Variants in IQCK observed in about 807,000 individuals in gnomAD.
IQCK encodes IQ motif containing K.
Under a neutral mutation model 28.1 loss-of-function variants are expected in IQCK, and 29 were observed. That is an observed-to-expected ratio of 1.03 (90% confidence interval 0.77 to 1.41). The LOEUF (loss-of-function observed/expected upper bound fraction) is 1.41, where lower values mean the gene tolerates loss of function less well. IQCK is among the 40% of genes most tolerant of loss of function. The pLI is 0.00. For missense variants in IQCK, 359 were observed against 314.7 expected (o/e 1.14, Z -1.07); for synonymous variants, 113 against 115.1 (o/e 0.98, Z 0.12).
intron 9 of IQCK, among the ~76,000 whole-genome samples, chr16:19,837,077 G>A (rs1039400331): frequency 2.6e-5 from 4 of 152,090 alleles, no homozygotes; most frequent in Non-Finnish European, 5.9e-5. Flanking sequence ...ATTAAGCAAA[G>A]CATTCAACAT....
chr16:19,731,868 G>C (rs1041869709), intron 2 of IQCK, among the ~76,000 whole-genome samples: 10 of 152,318 alleles, frequency 6.6e-5, no homozygotes, highest in Middle Eastern at 3.4e-3. Context: ...GAGCCAGGAA[G>C]AAACAACAGT....
chr16:19,754,294 A>G (rs780544756), intron 4 of IQCK, among the ~76,000 whole-genome samples: 3 of 152,318 alleles, frequency 2.0e-5, no homozygotes, highest in African/African-American at 4.8e-5. Flanking sequence ...ACAGAGTCAG[A>G]CTGGAACAAT....
intron 4 of IQCK, 180 bp downstream of exon 4, chr16:19,735,630 G>A (rs1977989975): frequency 1.7e-6 from 1 of 591,362 alleles, no homozygotes; most frequent in Non-Finnish European, 3.0e-6. Flanking sequence ...GCACATACAT[G>A]CGCTGCCATC....
intron 4 of IQCK, among the ~76,000 whole-genome samples, chr16:19,738,425 T>G (rs1249370119): frequency 6.6e-6 from 1 of 152,214 alleles, no homozygotes; most frequent in Non-Finnish European, 1.5e-5. Context: ...CCACCTCATA[T>G]ATTAATTATG....
chr16:19,829,911 G>A (rs528029842), downstream of IQCK, among the ~76,000 whole-genome samples: 5 of 152,188 alleles, frequency 3.3e-5, no homozygotes, highest in South Asian at 1.0e-3. Context: ...GAAATAATAG[G>A]ACACATTGAC....
chr16:19,778,701 A>G (rs2055432132), intron 6 of IQCK, among the ~76,000 whole-genome samples: 1 of 152,112 alleles, frequency 6.6e-6, no homozygotes, highest in African/African-American at 2.4e-5. Context: ...AAATTGTAGG[A>G]TGCCCAGTTG....
At chr16:19,769,997 G>A (rs961358992) in intron 6 of IQCK, among the ~76,000 whole-genome samples, 1 of 152,150 alleles carries the variant, frequency 6.6e-6, no homozygotes, top group African/African-American at 2.4e-5. Flanking sequence ...GGGACCCAGC[G>A]AGAAGAGCAA....
At chr16:19,850,158 C>T (rs1260154881) in intron 9 of IQCK, among the ~76,000 whole-genome samples, 2 of 152,114 alleles carry the variant, frequency 1.3e-5, no homozygotes, top group Non-Finnish European at 2.9e-5. Context: ...GTAGAGGATG[C>T]GGAAGTGAAC....
At chr16:19,822,632 G>A (rs2056090596) in intron 7 of IQCK, among the ~76,000 whole-genome samples, 1 of 152,140 alleles carries the variant, frequency 6.6e-6, no homozygotes, top group African/African-American at 2.4e-5. Context: ...TGGATCTAAA[G>A]ACACAGAGAG....
intron 7 of IQCK, among the ~76,000 whole-genome samples, chr16:19,790,747 C>T (rs1399112032): frequency 9.9e-6 from 1 of 100,572 alleles, no homozygotes; most frequent in Non-Finnish European, 1.7e-5. Context: ...AAACCATGGG[C>T]TAAAGGGAAG....
At chr16:19,814,070 A>G (rs2055943998) in intron 7 of IQCK, among the ~76,000 whole-genome samples, 1 of 151,828 alleles carries the variant, frequency 6.6e-6, no homozygotes, top group African/African-American at 2.4e-5. Context: ...ATACAAAAAA[A>G]TTAGTTGGGT....
chr16:19,826,737 T>C (rs1366520324), intron 7 of IQCK, among the ~76,000 whole-genome samples: 1 of 152,216 alleles, frequency 6.6e-6, no homozygotes, highest in Non-Finnish European at 1.5e-5. Flanking sequence ...TAAAATGAGA[T>C]GCCAGGAAGT....
At chr16:19,780,299 C>T (rs2055461464) in intron 6 of IQCK, among the ~76,000 whole-genome samples, 1 of 152,110 alleles carries the variant, frequency 6.6e-6, no homozygotes, top group Non-Finnish European at 1.5e-5. Flanking sequence ...GCCTCCGCCT[C>T]CCAAAGTGCT....
chr16:19,744,100 C>T (rs916272982), intron 4 of IQCK, among the ~76,000 whole-genome samples: 9 of 152,062 alleles, frequency 5.9e-5, no homozygotes, highest in African/African-American at 2.2e-4. Context: ...CCCTTTCAAC[C>T]CAGGCCTGTT....
intron 1 of IQCK, among the ~76,000 whole-genome samples, chr16:19,729,399 C>T (rs111905631): frequency 0.01 from 1,547 of 152,060 alleles, 30 homozygotes; most frequent in African/African-American, 0.035. Context: ...AGCCACCGCT[C>T]CCAGCTGTGG....
intron 9 of IQCK, 66 bp from the exon 9 acceptor site, chr16:19,856,421 T>C: frequency 2.9e-6 from 4 of 1,375,736 alleles, no homozygotes; most frequent in Non-Finnish European, 3.1e-6. Flanking sequence ...GAGTTTCCGG[T>C]TTCCCAATGA....
downstream of IQCK, among the ~76,000 whole-genome samples, chr16:19,829,528 G>T (rs1454731029): frequency 6.6e-6 from 1 of 152,012 alleles, no homozygotes; most frequent in Non-Finnish European, 1.5e-5. Context: ...GTAGAGACGG[G>T]GTTTCACCAT....
At chr16:19,722,992 G>A (rs1019427429) in intron 1 of IQCK, among the ~76,000 whole-genome samples, 1 of 152,116 alleles carries the variant, frequency 6.6e-6, no homozygotes, top group Non-Finnish European at 1.5e-5. Context: ...GATTACAGGC[G>A]TGAGCTACCG....
At chr16:19,751,244 G>GTAGTTCACACCCACA (rs2054982542) in intron 4 of IQCK, among the ~76,000 whole-genome samples, 2 of 152,092 alleles carry the variant, frequency 1.3e-5, no homozygotes, top group East Asian at 3.9e-4. Context: ...CGTTATCCCA[G>GTAGTTCACACCCACA]CACTTTGGCA....
Sources: gnomAD v4.1 joint callset for allele counts (sites outside exome capture counted in the v4.1 genomes callset) on GRCh38, gnomAD v4.1.1 for gene constraint, MANE v1.5 for transcripts, NCBI Gene and HGNC (gene_info 2026-07-23, HGNC 2026-07-21) for gene names.